The following ADCY3 variants were observed in gnomAD, a reference collection of about 807,000 sequenced individuals.
The protein encoded by ADCY3 is adenylate cyclase type 3.
A neutral mutation model predicts 119.4 loss-of-function variants in ADCY3; 70 were observed. The observed-to-expected ratio is 0.59, with a 90% CI of 0.48 to 0.72. ADCY3 has a LOEUF of 0.72. Among genes scored for constraint, ADCY3 ranks in the 30% least tolerant of loss-of-function variants. ADCY3 has a pLI of 0.00. For synonymous variants in ADCY3, 672 were observed against 621.4 expected (o/e 1.08, Z -1.21); for missense variants, 1,238 against 1,541.6 (o/e 0.80, Z 3.30).
rs1041723231 is a variant in ADCY3 at position 24,872,413 on chromosome 2, G to A, written c.825+157C>T. 6.6e-6 allele frequency among the ~76,000 whole-genome samples: 1 copy of A among 152,214 alleles called. No homozygotes were observed. The highest frequency in any genetic ancestry group is 2.4e-5 in the African/African-American group (1 of 41,462). The stretch of plus-strand genomic sequence containing the variant: ...TCAGAAGCTGCCCTCTAATAGTGAG[G>A]AGCCCAGAAGACAAAGTTCAGAAGC... On this transcript the variant is annotated intron_variant, in intron 3 of 21. Transcript: ENST00000679454. The surrounding 1 kb of genome is among the most constrained non-coding windows in gnomAD (Gnocchi z 4.4).
chr2:24,861,956 T>G (rs1007546759), intron 3 of ADCY3, among the ~76,000 whole-genome samples: 7 of 152,240 alleles, frequency 4.6e-5, no homozygotes, highest in Non-Finnish European at 8.8e-5. Flanking sequence ...TGGTATTATT[T>G]TTAATCCCAT....
chr2:24,824,870 A>G (rs1668364817), intron 16 of ADCY3, among the ~76,000 whole-genome samples: 1 of 152,208 alleles, frequency 6.6e-6, no homozygotes, highest in African/African-American at 2.4e-5. Context: ...AGCCTGGGCA[A>G]AAGAGTGAGA....
At chr2:24,831,523 C>T in intron 12 of ADCY3, 139 bp downstream of exon 12, 1 of 704,358 alleles carries the variant, frequency 1.4e-6, no homozygotes, top group South Asian at 1.7e-5. Flanking sequence ...AATGGATGGG[C>T]AAGTGCCTGG....
In ADCY3 at chr2:24,832,527, G is replaced by A. The variant is rs145889269; in HGVS notation, c.1968-778C>T. Among the ~76,000 whole-genome samples, 11 of 152,184 alleles carry A rather than the reference G, an allele frequency of 7.2e-5. No individual in the cohort carries two copies. In the East Asian group the frequency reaches 1.7e-3, roughly 24 times the overall value. ...ATACCCTCTGCTCACACCCATTCCCGTTTAACCCCTCCCTGGAAGGTGTCC... is the reference window on the plus strand; with the variant it reads ...ATACCCTCTGCTCACACCCATTCCCATTTAACCCCTCCCTGGAAGGTGTCC... On this transcript the variant is annotated intron_variant, in intron 11 of 21. Transcript: ENST00000679454.
At chr2:24,893,924 A>G (rs962999834) in intron 2 of ADCY3, among the ~76,000 whole-genome samples, 3 of 152,168 alleles carry the variant, frequency 2.0e-5, no homozygotes, top group Non-Finnish European at 2.9e-5. Flanking sequence ...CTGAATATTT[A>G]TATCACTTAC....
At position 24,819,340 on chromosome 2, in the gene ADCY3, T is replaced by C. The variant is rs1399079307; in HGVS notation, c.*592A>G. ...TATAAATGTAGAAGATCTGTTTATATATTTTTCTTTCAGAAATAAATCCCC... is the reference window on the plus strand; with the variant it reads ...TATAAATGTAGAAGATCTGTTTATACATTTTTCTTTCAGAAATAAATCCCC... On this transcript the variant is annotated 3_prime_UTR_variant, in exon 22 of 22. Coordinates refer to ENST00000679454, the MANE Select transcript of ADCY3 (RefSeq NM_004036.5). 1 of 152,684 alleles carries C rather than the reference T, an allele frequency of 6.5e-6. No individual in the cohort carries two copies. Among genetic ancestry groups the C allele is most frequent in the Non-Finnish European group, 1.5e-5 (1 of 68,072 alleles). 9.5% of individuals were successfully genotyped at this position (152,684 alleles called of 1,614,324 possible). A position where few individuals can be genotyped will look rare whatever the true frequency, so the allele number is the denominator to read the frequency against.
At chr2:24,900,947 C>T (rs187742619) in intron 2 of ADCY3, among the ~76,000 whole-genome samples, 1 of 152,270 alleles carries the variant, frequency 6.6e-6, no homozygotes, top group East Asian at 1.9e-4. Flanking sequence ...CACCTGTAAT[C>T]CCAGCTACTT....
chr2:24,842,271 G>A lies in ADCY3; in HGVS notation c.939C>T (p.Tyr313=). 2 of 1,614,114 alleles carry A rather than the reference G, an allele frequency of 1.2e-6. No individual in the cohort carries two copies. The highest frequency in any genetic ancestry group is 1.7e-6 in the Non-Finnish European group (2 of 1,180,026). ...DQQQFNTMYM[Y]RHENVSILFA... ...CGGCGTACCTGACGTTCTCGTGACG[G>A]TACATGTACATGGTGTTGAACTGCT... is the stretch of plus-strand genomic sequence containing the variant. Residue 313 remains tyrosine (Y), a synonymous_variant, in exon 4 of 22, where the codon TAC becomes TAT. Coordinates refer to ENST00000679454, the MANE Select transcript of ADCY3 (RefSeq NM_004036.5). This position sits in a 1 kb window ranked among gnomAD's most constrained non-coding sequence, Gnocchi z 4.9.
Position 24,872,497 on chromosome 2 carries a change from G to A in ADCY3, c.825+73C>T, listed in dbSNP as rs1457499799. The A allele has an allele frequency of 6.4e-7, 1 of 1,552,106 alleles. No individual in the cohort carries two copies. The highest frequency in any genetic ancestry group is 2.3e-5 in the East Asian group (1 of 44,210). On this transcript the variant is annotated intron_variant, in intron 3 of 21. Coordinates refer to ENST00000679454, the MANE Select transcript of ADCY3 (RefSeq NM_004036.5). The surrounding 1 kb of genome is among the most constrained non-coding windows in gnomAD (Gnocchi z 4.4). ...CCACGGAGCCAGGGGCTGCCGCTCT[G>A]GTTCCTCTCCCTCTGACAAGGCCAC...
chr2:24,823,327 A>G lies in ADCY3; in HGVS notation c.2765T>C (p.Ile922Thr), dbSNP rs1205009140. Residue 922 changes from isoleucine to threonine, a missense_variant, in exon 18 of 22, where the codon ATT (isoleucine) becomes ACT (threonine). Ile to Thr is a moderately conservative substitution (Grantham distance 89). Transcript: ENST00000679454. ...GGGCAGGGAGGCAAACATGACTCCA[A>G]TCTCATCATACGTCTGGCTATACAG... ...EELYSQTYDEIGVMFASLPNF... is the reference protein window; with the variant it reads ...EELYSQTYDETGVMFASLPNF... 17 of 1,613,854 alleles carry G rather than the reference A, an allele frequency of 1.1e-5. No homozygotes were observed. The highest frequency in any genetic ancestry group is 1.7e-4 in the Middle Eastern group (1 of 5,924).
At chr2:24,861,156 C>T (rs1286092090) in intron 3 of ADCY3, among the ~76,000 whole-genome samples, 1 of 150,434 alleles carries the variant, frequency 6.6e-6, no homozygotes, top group Non-Finnish European at 1.5e-5. Flanking sequence ...GAGGCTCAGG[C>T]AGGAGAATCG....
At chr2:24,914,853 C>A (rs561524728) in intron 2 of ADCY3, among the ~76,000 whole-genome samples, 12 of 152,220 alleles carry the variant, frequency 7.9e-5, no homozygotes, top group African/African-American at 2.9e-4. Context: ...GGCTGCAAGG[C>A]CCATGCTGCT....
intron 2 of ADCY3, among the ~76,000 whole-genome samples, chr2:24,894,716 G>C (rs1232145478): frequency 6.6e-6 from 1 of 151,270 alleles, no homozygotes; most frequent in Non-Finnish European, 1.5e-5. Context: ...TCACTCCTTT[G>C]TGCAGCCCAA....
chr2:24,870,554 T>C (rs551810281), intron 3 of ADCY3, among the ~76,000 whole-genome samples: 48 of 152,276 alleles, frequency 3.2e-4, no homozygotes, highest in Non-Finnish European at 3.1e-4. Flanking sequence ...CCCTTCCACC[T>C]AACCTGGACC....
chr2:24,841,121 C>G lies in ADCY3; in HGVS notation c.1196+138G>C. 1 of 1,022,250 alleles carries G rather than the reference C, an allele frequency of 9.8e-7. No individual in the cohort carries two copies. The highest frequency in any genetic ancestry group is 1.8e-5 in the South Asian group (1 of 54,622). The allele number at this position is 1,022,250 out of a possible 1,614,324, so 63.3% of individuals were successfully genotyped here. ...GCGGGAGCCTGCGCCACCCATCAACCAGTGCTGTGTCCCAGTCTCTGCTTC... is the reference window on the plus strand; with the variant it reads ...GCGGGAGCCTGCGCCACCCATCAACGAGTGCTGTGTCCCAGTCTCTGCTTC... On this transcript the variant is annotated intron_variant, in intron 6 of 21. Coordinates refer to ENST00000679454, the MANE Select transcript of ADCY3 (RefSeq NM_004036.5). The surrounding 1 kb of genome is among the most constrained non-coding windows in gnomAD (Gnocchi z 5.8).
rs529870841 is a variant in ADCY3 at position 24,843,866 on chromosome 2, G to C, written c.826-1482C>G. Among the ~76,000 whole-genome samples, 190 of 152,372 alleles carry C rather than the reference G, an allele frequency of 1.2e-3. 1 individual carries two copies. Among genetic ancestry groups the C allele is most frequent in the African/African-American group, 4.4e-3 (183 of 41,588 alleles). ...CAGAATGTGGTGCTGCGGAGGCGAA[G>C]CCAGGGACCAGAGGCTCAGCAGGGA... On this transcript the variant is annotated intron_variant, in intron 3 of 21. Coordinates refer to ENST00000679454, the MANE Select transcript of ADCY3 (RefSeq NM_004036.5).
At chr2:24,876,354 G>A (rs758435073) in intron 2 of ADCY3, among the ~76,000 whole-genome samples, 3 of 152,148 alleles carry the variant, frequency 2.0e-5, no homozygotes, top group African/African-American at 4.8e-5. Context: ...ACTTAGGTGT[G>A]AGCTGCACGC....
At chr2:24,916,465 T>C (rs1292046949) in intron 2 of ADCY3, among the ~76,000 whole-genome samples, 1 of 152,180 alleles carries the variant, frequency 6.6e-6, no homozygotes, top group Admixed American at 6.5e-5. Flanking sequence ...GGGCGGATTA[T>C]GAGGTCAAGA....
intron 7 of ADCY3, among the ~76,000 whole-genome samples, chr2:24,839,290 TA>T (rs1417468580): frequency 6.6e-6 from 1 of 152,122 alleles, no homozygotes; most frequent in Non-Finnish European, 1.5e-5. Flanking sequence ...TGCCAAGAGA[TA>T]ATAAAACCTG....
Sources: allele counts gnomAD v4.1 joint callset (sites outside exome capture counted in the v4.1 genomes callset), GRCh38; gene constraint gnomAD v4.1.1; non-coding constraint Gnocchi (gnomAD v3.1); transcripts MANE v1.5; gene names NCBI Gene and HGNC (gene_info 2026-07-23, HGNC 2026-07-21).